The following NTNG1 variants were observed in gnomAD, a reference collection of about 807,000 sequenced individuals.
NTNG1 encodes netrin G1.
In NTNG1, 16 loss-of-function variants were observed where a neutral mutation model predicts 54.0. The observed-to-expected ratio is 0.30, with a 90% confidence interval of 0.20 to 0.45. The LOEUF (loss-of-function observed/expected upper bound fraction) is 0.45, where lower values mean the gene tolerates loss of function less well. NTNG1 is among the 20% of genes least tolerant of loss of function. The pLI, the probability that NTNG1 is intolerant of heterozygous loss-of-function variation, is 1.00. For synonymous variants in NTNG1, 255 were observed against 263.1 expected, an observed-to-expected ratio of 0.97 and a Z score of 0.30; for missense variants, 530 against 678.7, an observed-to-expected ratio of 0.78 and a Z score of 2.43.
intron 3 of NTNG1, among the ~76,000 whole-genome samples, chr1:107,379,969 A>G (rs1671545288): frequency 6.6e-6 from 1 of 152,178 alleles, no homozygotes; most frequent in South Asian, 2.1e-4. Flanking sequence ...ATCCTCAAAC[A>G]TCTGTTTCTT....
chr1:107,232,208 G>A (rs1383345106), intron 2 of NTNG1, among the ~76,000 whole-genome samples: 1 of 152,134 alleles, frequency 6.6e-6, no homozygotes, highest in Non-Finnish European at 1.5e-5. Context: ...CTTTTCAAAT[G>A]AAGGCAAGTA....
chr1:107,411,779 T>C (rs1673831910), intron 5 of NTNG1, among the ~76,000 whole-genome samples: 1 of 152,122 alleles, frequency 6.6e-6, no homozygotes, highest in Non-Finnish European at 1.5e-5. Flanking sequence ...AAAGCTAAGG[T>C]CCCAGGTGAA....
chr1:107,363,749 T>C (rs903472165), intron 3 of NTNG1, among the ~76,000 whole-genome samples: 17 of 152,220 alleles, frequency 1.1e-4, no homozygotes, highest in Admixed American at 4.6e-4. Flanking sequence ...GATCACTTGC[T>C]TTCATCTTAT....
chr1:107,367,346 A>G (rs572188720), intron 3 of NTNG1, among the ~76,000 whole-genome samples: 13 of 152,296 alleles, frequency 8.5e-5, no homozygotes, highest in Non-Finnish European at 1.3e-4. Flanking sequence ...AAACTCCTCG[A>G]TGAAGGGCAC....
At position 107,167,968 on chromosome 1, in the gene NTNG1, C is replaced by T. The variant is rs144432932; in HGVS notation, c.246+19129C>T. On this transcript the variant is annotated intron_variant, in intron 2 of 7. Coordinates refer to ENST00000370068, the MANE Select transcript of NTNG1 (RefSeq NM_001113226.3). ...AGAAATAATGCTAGAACAGACTCCT[C>T]TGGGCACTACAGGATGGAAGGCATT... Among the ~76,000 whole-genome samples, 274 of 152,120 alleles carry T rather than the reference C, an allele frequency of 1.8e-3. 1 individual carries two copies. Among genetic ancestry groups the T allele is most frequent in the African/African-American group, 6.3e-3 (262 of 41,506 alleles).
At chr1:107,351,626 C>G (rs1669605030) in intron 3 of NTNG1, among the ~76,000 whole-genome samples, 1 of 152,146 alleles carries the variant, frequency 6.6e-6, no homozygotes, top group African/African-American at 2.4e-5. Flanking sequence ...GAGATTTGGG[C>G]AGGGACACAG....
intron 2 of NTNG1, among the ~76,000 whole-genome samples, chr1:107,257,988 A>G (rs1472649239): frequency 6.6e-6 from 1 of 152,178 alleles, no homozygotes; most frequent in Non-Finnish European, 1.5e-5. Context: ...ATTATTTAGG[A>G]CATCATCGGT....
intron 2 of NTNG1, among the ~76,000 whole-genome samples, chr1:107,228,493 G>A (rs1207260942): frequency 6.6e-6 from 1 of 152,146 alleles, no homozygotes; most frequent in Non-Finnish European, 1.5e-5. Context: ...TCATTTCCAT[G>A]TTAAAGTTTA....
chr1:107,357,903 G>T (rs1670033054), intron 3 of NTNG1, among the ~76,000 whole-genome samples: 1 of 152,032 alleles, frequency 6.6e-6, no homozygotes, highest in African/African-American at 2.4e-5. Flanking sequence ...GTTGCACTTG[G>T]TTTCATATAT....
At chr1:107,438,118 G>A (rs1273057200) in intron 7 of NTNG1, among the ~76,000 whole-genome samples, 1 of 151,794 alleles carries the variant, frequency 6.6e-6, no homozygotes, top group Non-Finnish European at 1.5e-5. Flanking sequence ...TGTTCTATCT[G>A]TTACTTATGG....
At chr1:107,464,872 A>G (rs914260163) in intron 7 of NTNG1, among the ~76,000 whole-genome samples, 4 of 152,162 alleles carry the variant, frequency 2.6e-5, no homozygotes, top group African/African-American at 9.7e-5. Flanking sequence ...TTTAAATGTG[A>G]TTCCTACCCC....
intron 4 of NTNG1, among the ~76,000 whole-genome samples, chr1:107,397,678 A>G (rs1672764174): frequency 6.6e-6 from 1 of 152,136 alleles, no homozygotes; most frequent in Admixed American, 6.6e-5. Flanking sequence ...TTCATAAGAC[A>G]GTCTTGTCCA....
At chr1:107,355,633 T>C (rs1318972182) in intron 3 of NTNG1, among the ~76,000 whole-genome samples, 1 of 152,156 alleles carries the variant, frequency 6.6e-6, no homozygotes, top group Non-Finnish European at 1.5e-5. Context: ...TCCTTGCCAA[T>C]TGTCTCAACA....
chr1:107,157,487 T>A (rs970752332), intron 2 of NTNG1, among the ~76,000 whole-genome samples: 11 of 152,168 alleles, frequency 7.2e-5, no homozygotes, highest in Admixed American at 6.5e-4. Context: ...CACATTATAT[T>A]CTCACATTTT....
rs562314764 is a variant in NTNG1, at chr1:107,145,702, A to G, written c.-525-2367A>G. 3.3e-5 allele frequency among the ~76,000 whole-genome samples: 5 copies of G among 152,234 alleles called. No homozygotes were observed. In the South Asian group the frequency reaches 1.0e-3, roughly 32 times the overall value. On this transcript the variant is annotated intron_variant, in intron 1 of 7. Transcript: ENST00000370068. ...TGGTTATGTGCCAGAAATTTAAGCT[A>G]TAATTGGCTGCCTCTTGTCAAGAAT...
intron 2 of NTNG1, among the ~76,000 whole-genome samples, chr1:107,249,177 T>TAATAAC (rs1243000195): frequency 6.7e-6 from 1 of 149,462 alleles, no homozygotes; most frequent in Admixed American, 6.7e-5. Flanking sequence ...ATAATAATAA[T>TAATAAC]AATAATTTAA....
chr1:107,345,079 A>G (rs942034281), intron 3 of NTNG1, among the ~76,000 whole-genome samples: 6 of 152,160 alleles, frequency 3.9e-5, no homozygotes, highest in Non-Finnish European at 7.3e-5. Context: ...GAAGGATAAG[A>G]CCCAATAATT....
At chr1:107,161,150 A>T (rs976202184) in intron 2 of NTNG1, among the ~76,000 whole-genome samples, 3 of 152,198 alleles carry the variant, frequency 2.0e-5, no homozygotes, top group Non-Finnish European at 2.9e-5. Flanking sequence ...AGAGCCCCAT[A>T]AACATTTGTT....
chr1:107,394,640 T>C (rs1672567161), intron 3 of NTNG1, among the ~76,000 whole-genome samples: 1 of 152,188 alleles, frequency 6.6e-6, no homozygotes, highest in African/African-American at 2.4e-5. Flanking sequence ...GAACACTTGA[T>C]TATAATTTCT....
Sources: gnomAD v4.1 joint callset for allele counts (sites outside exome capture counted in the v4.1 genomes callset) on GRCh38, gnomAD v4.1.1 for gene constraint, MANE v1.5 for transcripts, NCBI Gene and HGNC (gene_info 2026-07-23, HGNC 2026-07-21) for gene names.